Variants in RNF150 observed in about 807,000 individuals in gnomAD.
RNF150 encodes the protein ring finger protein 150.
Under a neutral mutation model 39.3 loss-of-function variants are expected in RNF150, and 24 were observed. The observed-to-expected ratio is 0.61, with a 90% CI of 0.44 to 0.86. The LOEUF (loss-of-function observed/expected upper bound fraction) is 0.86. Ranked by LOEUF, RNF150 falls within the 40% of genes least tolerant of loss-of-function variation. The probability of loss-of-function intolerance (pLI) is 0.00; values close to 1 mark genes in which losing one functional copy is unlikely to be tolerated. For missense variants in RNF150, 502 were observed against 587.8 expected (o/e 0.85, Z 1.51); for synonymous variants, 255 against 227.3 (o/e 1.12, Z -1.10).
chr4:141,201,689 G>T (rs1452660722), intron 1 of RNF150, among the ~76,000 whole-genome samples: 1 of 152,106 alleles, frequency 6.6e-6, no homozygotes. Context: ...ACTTCACCAA[G>T]AAGTTTCTTT....
rs183006863 is a variant in RNF150, at chr4:140,915,009, T to C, written c.988-3655A>G. ...ACATGTATTTGAATAATCTAGTAGATCAGGATTACAGCCAAGTTGTTTGCG... is the reference window on the plus strand; with the variant it reads ...ACATGTATTTGAATAATCTAGTAGACCAGGATTACAGCCAAGTTGTTTGCG... On this transcript the variant is annotated intron_variant, in intron 5 of 6. Coordinates refer to ENST00000515673, the MANE Select transcript of RNF150 (RefSeq NM_020724.2). Among the ~76,000 whole-genome samples, 3 of 152,316 alleles carry C rather than the reference T, an allele frequency of 2.0e-5. No individual in the cohort carries two copies. In the East Asian group the frequency reaches 5.8e-4, roughly 29 times the overall value.
intron 5 of RNF150, among the ~76,000 whole-genome samples, chr4:140,920,370 G>A (rs1299058692): frequency 1.4e-5 from 2 of 147,014 alleles, no homozygotes; most frequent in Non-Finnish European, 3.0e-5. Flanking sequence ...ATCAAAAAGT[G>A]GGCAAAGGAC....
chr4:141,066,817 C>T (rs1182084112), intron 1 of RNF150, among the ~76,000 whole-genome samples: 3 of 152,258 alleles, frequency 2.0e-5, no homozygotes, highest in East Asian at 1.9e-4. Flanking sequence ...TACAGTCATG[C>T]GTCACTTAAC....
chr4:141,124,289 G>A (rs1054106597), intron 1 of RNF150, among the ~76,000 whole-genome samples: 5 of 152,326 alleles, frequency 3.3e-5, no homozygotes, highest in Middle Eastern at 3.4e-3. Flanking sequence ...ATTGTGGTGG[G>A]AGAAGACAAT....
chr4:141,105,531 A>G (rs370691039), intron 1 of RNF150, among the ~76,000 whole-genome samples: 4 of 152,144 alleles, frequency 2.6e-5, no homozygotes, highest in African/African-American at 7.2e-5. Context: ...TCCCCTGCCC[A>G]GGTCTCTATC....
chr4:141,027,820 T>C (rs965577846), intron 1 of RNF150, among the ~76,000 whole-genome samples: 2 of 151,952 alleles, frequency 1.3e-5, no homozygotes, highest in African/African-American at 4.8e-5. Flanking sequence ...GCCAGTCTCT[T>C]ATTCAAGGAC....
chr4:141,073,257 G>A (rs374094089), intron 1 of RNF150, among the ~76,000 whole-genome samples: 2 of 152,232 alleles, frequency 1.3e-5, no homozygotes, highest in East Asian at 1.9e-4. Context: ...AAGGAAAATG[G>A]CAGTGACTAT....
chr4:140,939,796 A>G (rs1732011617), intron 4 of RNF150, among the ~76,000 whole-genome samples: 1 of 152,184 alleles, frequency 6.6e-6, no homozygotes, highest in Non-Finnish European at 1.5e-5. Flanking sequence ...TTAAATGCAA[A>G]CAAATACATA....
At chr4:140,945,642 A>C (rs1378483860) in intron 4 of RNF150, among the ~76,000 whole-genome samples, 1 of 148,504 alleles carries the variant, frequency 6.7e-6, no homozygotes, top group Middle Eastern at 3.3e-3. Flanking sequence ...ATATATATGT[A>C]GTAACATGAA....
intron 5 of RNF150, among the ~76,000 whole-genome samples, chr4:140,922,574 C>T (rs539858356): frequency 0.077 from 11,630 of 151,318 alleles, 518 homozygotes; most frequent in Middle Eastern, 0.11. Context: ...AATGCCATCC[C>T]TATCAAGCTA....
intron 1 of RNF150, among the ~76,000 whole-genome samples, chr4:141,180,657 C>G (rs1212018584): frequency 1.3e-5 from 2 of 152,058 alleles, no homozygotes; most frequent in Admixed American, 6.6e-5. Flanking sequence ...TGCCATACTC[C>G]TCATCTGAAT....
intron 6 of RNF150, among the ~76,000 whole-genome samples, chr4:140,907,054 T>C (rs1396652000): frequency 6.6e-6 from 1 of 152,212 alleles, no homozygotes. Flanking sequence ...ACTTCTCTCT[T>C]GAGTCTCCAA....
At chr4:141,000,573 G>A (rs956440722) in intron 1 of RNF150, among the ~76,000 whole-genome samples, 7 of 152,162 alleles carry the variant, frequency 4.6e-5, no homozygotes, top group African/African-American at 1.7e-4. Context: ...AAAAGTAAAT[G>A]CAATGACATT....
intron 6 of RNF150, among the ~76,000 whole-genome samples, chr4:140,909,360 G>A (rs1187043216): frequency 6.6e-6 from 1 of 152,048 alleles, no homozygotes; most frequent in African/African-American, 2.4e-5. Context: ...TGTCTCAATA[G>A]TTTTAATTTT....
At chr4:140,991,692 G>A (rs1734202956) in intron 1 of RNF150, among the ~76,000 whole-genome samples, 2 of 152,120 alleles carry the variant, frequency 1.3e-5, no homozygotes, top group Non-Finnish European at 2.9e-5. Context: ...TATTTGGGTT[G>A]CTGAGCAACT....
rs115076647 is a variant in RNF150, at chr4:140,962,385, T to A, written c.735+5238A>T. Reference sequence around the variant, plus strand: ...CATATGTGCATATATAAGACATATATATATACACACACATATATAATGAAG... The same window carrying A: ...CATATGTGCATATATAAGACATATAAATATACACACACATATATAATGAAG... On this transcript the variant is annotated intron_variant, in intron 2 of 6. Transcript: ENST00000515673. 4.6e-3 allele frequency among the ~76,000 whole-genome samples: 696 copies of A among 151,854 alleles called. 5 individuals carry two copies. Among genetic ancestry groups the A allele is most frequent in the African/African-American group, 0.016 (662 of 41,488 alleles).
chr4:141,091,285 A>T (rs1738571139), intron 1 of RNF150, among the ~76,000 whole-genome samples: 1 of 152,238 alleles, frequency 6.6e-6, no homozygotes, highest in Non-Finnish European at 1.5e-5. Context: ...AGCTAAGCCC[A>T]TGCTGGACAC....
chr4:141,032,075 C>A (rs748383675), intron 1 of RNF150, among the ~76,000 whole-genome samples: 1 of 151,846 alleles, frequency 6.6e-6, no homozygotes, highest in Non-Finnish European at 1.5e-5. Context: ...CACACATACA[C>A]ATACATACAC....
chr4:141,098,361 C>T (rs1354818837), intron 1 of RNF150, among the ~76,000 whole-genome samples: 2 of 152,226 alleles, frequency 1.3e-5, no homozygotes, highest in Admixed American at 6.5e-5. Context: ...GCCAGTCAGA[C>T]ATCCCTGGGA....
Sources: gnomAD v4.1 joint callset for allele counts (sites outside exome capture counted in the v4.1 genomes callset) on GRCh38, gnomAD v4.1.1 for gene constraint, MANE v1.5 for transcripts, NCBI Gene and HGNC (gene_info 2026-07-23, HGNC 2026-07-21) for gene names.